CHL1: variants seen among roughly 807,000 people sequenced by gnomAD.
CHL1 encodes the protein cell adhesion molecule L1 like, also known as neural cell adhesion molecule L1-like protein.
CHL1 carries 96 observed loss-of-function variants against 141.9 expected under a neutral mutation model. The ratio of observed to expected loss-of-function variants is 0.68; its 90% confidence interval spans 0.57 to 0.80. CHL1 has a LOEUF of 0.80. Ranked by LOEUF, CHL1 falls within the 30% of genes least tolerant of loss-of-function variation. The pLI is 0.00. For missense variants in CHL1, 1,820 were observed against 1,457.2 expected, an observed-to-expected ratio of 1.25 and a Z score of -4.05; for synonymous variants, 613 against 502.2, an observed-to-expected ratio of 1.22 and a Z score of -2.95.
At chr3:213,259 A>G (rs2124919965) in intron 1 of CHL1, 1 of 152,228 alleles carries the variant, frequency 6.6e-6, no homozygotes, top group East Asian at 1.9e-4. Flanking sequence ...GCGTTCACCT[A>G]TGTCCTGCTC....
intron 2 of CHL1, among the ~76,000 whole-genome samples, chr3:259,320 A>ATGCGTGTGTGTGTG (rs891316418): frequency 3.4e-5 from 5 of 147,050 alleles, no homozygotes; most frequent in African/African-American, 1.3e-4. Flanking sequence ...GTGTGTGTGC[A>ATGCGTGTGTGTGTG]TGCGTGTGTG....
intron 2 of CHL1, among the ~76,000 whole-genome samples, chr3:286,645 A>C (rs919561296): frequency 6.6e-6 from 1 of 151,810 alleles, no homozygotes; most frequent in Non-Finnish European, 1.5e-5. Context: ...AAAGAAAGTA[A>C]AGGAATAAAA....
intron 1 of CHL1, among the ~76,000 whole-genome samples, chr3:228,966 T>C (rs532412652): frequency 6.6e-5 from 10 of 152,170 alleles, no homozygotes; most frequent in South Asian, 2.1e-4. Flanking sequence ...TCTCATGGGA[T>C]CTCATTAAGG....
At chr3:232,043 CA>C (rs1377534047) in intron 1 of CHL1, among the ~76,000 whole-genome samples, 5 of 152,098 alleles carry the variant, frequency 3.3e-5, no homozygotes, top group African/African-American at 1.2e-4. Context: ...CTGTACTTAT[CA>C]GTATTTGGCA....
rs139129033 is a variant in CHL1 at position 239,931 on chromosome 3, C to T, written c.-174-4682C>T. ...TGCTGTGAATGCGGTTAATTTCCTC[C>T]TTTCATGGCTGAGTAGTATTCCATC... On this transcript the variant is annotated intron_variant, in intron 1 of 27. Coordinates refer to ENST00000256509, the MANE Select transcript of CHL1 (RefSeq NM_006614.4). 2.7e-4 allele frequency among the ~76,000 whole-genome samples: 41 copies of T among 152,290 alleles called. No individual in the cohort carries two copies. The East Asian group carries it at 7.3e-3, about 27-fold the overall frequency.
intron 2 of CHL1, among the ~76,000 whole-genome samples, chr3:262,556 G>A (rs1347297451): frequency 6.7e-6 from 1 of 149,084 alleles, no homozygotes; most frequent in Non-Finnish European, 1.5e-5. Flanking sequence ...ACACGTTTAA[G>A]CCTAGATCTA....
At chr3:239,860 C>T in intron 1 of CHL1, among the ~76,000 whole-genome samples, 1 of 151,976 alleles carries the variant, frequency 6.6e-6, no homozygotes, top group East Asian at 1.9e-4. Context: ...GTTTTCCATT[C>T]CTCAGTTACT....
intron 15 of CHL1, among the ~76,000 whole-genome samples, chr3:376,069 G>T (rs1457176907): frequency 2.6e-5 from 4 of 152,226 alleles, no homozygotes; most frequent in African/African-American, 9.6e-5. Flanking sequence ...GGGGCACGAA[G>T]ATGTGAAGAG....
At chr3:229,081 G>A (rs186154053) in intron 1 of CHL1, among the ~76,000 whole-genome samples, 3 of 152,254 alleles carry the variant, frequency 2.0e-5, no homozygotes, top group Non-Finnish European at 2.9e-5. Flanking sequence ...AATTTTGCAA[G>A]CAACCAGCAC....
At chr3:335,318 C>T (rs766788283) in intron 5 of CHL1, among the ~76,000 whole-genome samples, 1 of 152,188 alleles carries the variant, frequency 6.6e-6, no homozygotes, top group East Asian at 1.9e-4. Flanking sequence ...TATGTGAATG[C>T]CTGTAATGAA....
chr3:307,328 A>G (rs1341348583), intron 2 of CHL1, among the ~76,000 whole-genome samples: 1 of 152,138 alleles, frequency 6.6e-6, no homozygotes, highest in East Asian at 1.9e-4. Context: ...ATTTACACAC[A>G]CAAACGTACA....
At chr3:208,961 T>A (rs1398355516) in intron 1 of CHL1, among the ~76,000 whole-genome samples, 1 of 152,176 alleles carries the variant, frequency 6.6e-6, no homozygotes, top group Non-Finnish European at 1.5e-5. Flanking sequence ...GCCAAAACAA[T>A]GCTTATTTTC....
intron 2 of CHL1, among the ~76,000 whole-genome samples, chr3:266,920 C>A (rs1012844008): frequency 1.3e-5 from 2 of 152,144 alleles, no homozygotes; most frequent in African/African-American, 4.8e-5. Context: ...AATCATTTCA[C>A]CCTCCCCTTA....
chr3:234,988 T>A (rs1450009173), intron 1 of CHL1, among the ~76,000 whole-genome samples: 2 of 126,596 alleles, frequency 1.6e-5, no homozygotes, highest in African/African-American at 5.3e-5. Flanking sequence ...ATTCTTTTTT[T>A]ATTACTATTA....
intron 1 of CHL1, among the ~76,000 whole-genome samples, chr3:228,129 C>T (rs1363544270): frequency 6.6e-6 from 1 of 152,142 alleles, no homozygotes; most frequent in East Asian, 1.9e-4. Flanking sequence ...AACCAGGACT[C>T]AGAAGTTAAA....
At chr3:338,048 T>G (rs2125129355) in intron 5 of CHL1, among the ~76,000 whole-genome samples, 1 of 152,314 alleles carries the variant, frequency 6.6e-6, no homozygotes, top group African/African-American at 2.4e-5. Context: ...GCATTTTTAG[T>G]AGAGACGGGG....
At chr3:268,998 T>A (rs990194668) in intron 2 of CHL1, among the ~76,000 whole-genome samples, 1 of 152,202 alleles carries the variant, frequency 6.6e-6, no homozygotes, top group Non-Finnish European at 1.5e-5. Flanking sequence ...TGCTCTCAAA[T>A]TGGTAACTAG....
intron 2 of CHL1, among the ~76,000 whole-genome samples, chr3:279,530 A>C (rs1403792523): frequency 6.6e-6 from 1 of 151,398 alleles, no homozygotes. Flanking sequence ...GTTCTTCCAC[A>C]ATCTGGACTG....
chr3:271,528 A>T (rs1484152150), intron 2 of CHL1, among the ~76,000 whole-genome samples: 6 of 152,254 alleles, frequency 3.9e-5, no homozygotes, highest in Non-Finnish European at 8.8e-5. Flanking sequence ...TACATGAGGT[A>T]TCCAAAGAGA....
Sources: gnomAD v4.1 joint callset for allele counts (sites outside exome capture counted in the v4.1 genomes callset) on GRCh38, gnomAD v4.1.1 for gene constraint, MANE v1.5 for transcripts, NCBI Gene and HGNC (gene_info 2026-07-23, HGNC 2026-07-21) for gene names.